The following DMD variants were observed in gnomAD, a reference collection of about 807,000 sequenced individuals.
DMD encodes dystrophin.
DMD carries 63 observed loss-of-function variants against 330.1 expected under a neutral mutation model. The ratio of observed to expected loss-of-function variants is 0.19; its 90% CI spans 0.16 to 0.24. DMD has a LOEUF of 0.24. DMD is among the 10% of genes least tolerant of loss of function. The pLI is 1.00. For synonymous variants in DMD, 1,223 were observed against 959.8 expected, an observed-to-expected ratio of 1.27 and a Z score of -5.07; for missense variants, 3,344 against 2,684.1, an observed-to-expected ratio of 1.25 and a Z score of -5.43.
At chrX:31,743,115 T>A (rs935863084) in intron 51 of DMD, among the ~76,000 whole-genome samples, 2 of 111,648 alleles carry the variant, frequency 1.8e-5, no homozygotes, top group Non-Finnish European at 3.8e-5. Context: ...TCACTCAACA[T>A]CAGAGAAATG....
intron 1 of DMD, among the ~76,000 whole-genome samples, chrX:33,064,905 A>G (rs1220440905): frequency 9.0e-6 from 1 of 111,084 alleles, no homozygotes; most frequent in East Asian, 2.8e-4. Context: ...AAATAATAAT[A>G]AAATAAAATA....
chrX:32,465,498 G>C (rs1450797382), intron 23 of DMD, among the ~76,000 whole-genome samples: 1 of 107,884 alleles, frequency 9.3e-6, no homozygotes, highest in Non-Finnish European at 1.9e-5. Context: ...CGATCACCTT[G>C]CTGTTATCTT....
intron 50 of DMD, among the ~76,000 whole-genome samples, chrX:31,819,744 G>A (rs2092712541): frequency 8.9e-6 from 1 of 112,914 alleles, no homozygotes; most frequent in Non-Finnish European, 1.9e-5. Flanking sequence ...TCTCTTCCTT[G>A]TGGGTGTATC....
intron 21 of DMD, among the ~76,000 whole-genome samples, chrX:32,474,448 A>T (rs760504270): frequency 2.7e-5 from 3 of 111,887 alleles, no homozygotes; most frequent in Non-Finnish European, 5.6e-5. Context: ...ACTCTTTTCC[A>T]TAGTGGCTGT....
intron 19 of DMD, among the ~76,000 whole-genome samples, chrX:32,496,821 TG>T (rs1179464055): frequency 8.9e-6 from 1 of 111,982 alleles, no homozygotes; most frequent in Non-Finnish European, 1.9e-5. Flanking sequence ...TTATACTAAG[TG>T]TCATGTGGAG....
intron 1 of DMD, among the ~76,000 whole-genome samples, chrX:33,098,029 A>T (rs2095192456): frequency 8.9e-6 from 1 of 111,882 alleles, no homozygotes; most frequent in African/African-American, 3.2e-5. Context: ...CTATCTGAGC[A>T]ATATAACTTT....
chrX:31,606,314 C>A (rs1382987101), intron 55 of DMD, among the ~76,000 whole-genome samples: 1 of 111,798 alleles, frequency 8.9e-6, no homozygotes, highest in African/African-American at 3.2e-5. Flanking sequence ...TGGACTAATA[C>A]AGTAGCTTTG....
chrX:33,008,063 T>A (rs141482436), intron 2 of DMD, among the ~76,000 whole-genome samples: 1,657 of 111,369 alleles, frequency 0.015, 13 homozygotes, highest in Non-Finnish European at 0.024. Flanking sequence ...AATGAAAAGG[T>A]CTCTTAGTTT....
At chrX:31,805,368 C>T (rs1458139877) in intron 50 of DMD, among the ~76,000 whole-genome samples, 2 of 111,954 alleles carry the variant, frequency 1.8e-5, no homozygotes, top group Non-Finnish European at 3.8e-5. Flanking sequence ...TCAAAGAAAG[C>T]TGAGATGTGG....
chrX:31,634,916 C>T (rs1264512814), intron 54 of DMD, among the ~76,000 whole-genome samples: 3 of 111,583 alleles, frequency 2.7e-5, no homozygotes, highest in Admixed American at 9.5e-5. Flanking sequence ...ATACACGTCT[C>T]TATACACACA....
At chrX:32,221,583 G>A (rs1332863005) in intron 43 of DMD, among the ~76,000 whole-genome samples, 2 of 110,951 alleles carry the variant, frequency 1.8e-5, no homozygotes, top group Non-Finnish European at 3.8e-5. Context: ...ATAGTCTTTG[G>A]AATACAAGTG....
At chrX:31,926,402 C>T (rs1388747628) in intron 47 of DMD, among the ~76,000 whole-genome samples, 5 of 111,400 alleles carry the variant, frequency 4.5e-5, no homozygotes, top group Non-Finnish European at 9.4e-5. Context: ...ACAGGCCGGG[C>T]GCGGTGGCTC....
chrX:31,442,858 G>A (rs12687510), intron 60 of DMD, among the ~76,000 whole-genome samples: 6,465 of 110,755 alleles, frequency 0.058, 277 homozygotes, highest in African/African-American at 0.14. Flanking sequence ...TAGCTATATC[G>A]CCTTGCTTTA....
chrX:32,984,854 T>G (rs1032922408), intron 2 of DMD, among the ~76,000 whole-genome samples: 8 of 111,573 alleles, frequency 7.2e-5, no homozygotes, highest in Non-Finnish European at 1.3e-4. Context: ...GTGTACTGCT[T>G]GTGTAATTAA....
At chrX:32,470,966 A>G (rs1432670517) in intron 22 of DMD, among the ~76,000 whole-genome samples, 1 of 111,985 alleles carries the variant, frequency 8.9e-6, no homozygotes, top group Non-Finnish European at 1.9e-5. Flanking sequence ...TGAACATATA[A>G]TGTAGTATTT....
At chrX:32,836,203 T>TTG (rs2079613595) in intron 4 of DMD, among the ~76,000 whole-genome samples, 2 of 109,455 alleles carry the variant, frequency 1.8e-5, no homozygotes, top group South Asian at 4.0e-4. Flanking sequence ...GTCTAATTTT[T>TTG]TTTTTTTTAG....
At chrX:31,786,478 C>T (rs1487471706) in intron 50 of DMD, among the ~76,000 whole-genome samples, 1 of 110,959 alleles carries the variant, frequency 9.0e-6, no homozygotes, top group Non-Finnish European at 1.9e-5. Context: ...TATATTAAGG[C>T]CCAGTGGAAA....
chrX:33,147,390 T>C (rs2048085296), intron 1 of DMD, among the ~76,000 whole-genome samples: 1 of 112,185 alleles, frequency 8.9e-6, no homozygotes. Context: ...CAATCAAAAT[T>C]AGTTCCAGAA....
intron 7 of DMD, among the ~76,000 whole-genome samples, chrX:32,770,484 T>C (rs1278639006): frequency 8.9e-6 from 1 of 111,943 alleles, no homozygotes; most frequent in Non-Finnish European, 1.9e-5. Context: ...GTTCCTTTTC[T>C]ATGCTTGATG....
Sources: gnomAD v4.1 joint callset for allele counts (sites outside exome capture counted in the v4.1 genomes callset) on GRCh38, gnomAD v4.1.1 for gene constraint, MANE v1.5 for transcripts, NCBI Gene and HGNC (gene_info 2026-07-23, HGNC 2026-07-21) for gene names.